Variants in ANKRD26 observed in about 807,000 individuals in gnomAD.
The protein encoded by ANKRD26 is ankyrin repeat domain-containing protein 26.
Under a neutral mutation model 208.7 loss-of-function variants are expected in ANKRD26, and 141 were observed. The observed-to-expected ratio is 0.68, with a 90% CI of 0.59 to 0.78. The LOEUF is 0.78. Among genes scored for constraint, ANKRD26 ranks in the 30% least tolerant of loss-of-function variants. The pLI, the probability that ANKRD26 is intolerant of heterozygous loss-of-function variation, is 0.00. For missense variants in ANKRD26, 1,889 were observed against 1,938.7 expected (o/e 0.97, Z 0.48); for synonymous variants, 636 against 660.4 (o/e 0.96, Z 0.57).
chr10:27,068,197 G>A (rs1349777983), intron 9 of ANKRD26, among the ~76,000 whole-genome samples: 2 of 152,134 alleles, frequency 1.3e-5, no homozygotes, highest in African/African-American at 2.4e-5. Context: ...TGGATCATGC[G>A]GTGGTTTCCC....
At chr10:26,988,560 T>C (rs2052428357), downstream of ANKRD26, among the ~76,000 whole-genome samples, 2 of 152,174 alleles carry the variant, frequency 1.3e-5, no homozygotes, top group Admixed American at 6.5e-5. Context: ...AGTCCACGTA[T>C]ATCATGTAGA....
At chr10:27,039,103 T>G (rs530155220) in intron 21 of ANKRD26, among the ~76,000 whole-genome samples, 99 of 152,330 alleles carry the variant, frequency 6.5e-4, no homozygotes, top group African/African-American at 2.3e-3. Flanking sequence ...GAGAGATCAC[T>G]TTCAGTAATC....
chr10:27,018,606 T>C (rs2053384496), intron 29 of ANKRD26, among the ~76,000 whole-genome samples: 1 of 152,214 alleles, frequency 6.6e-6, no homozygotes, highest in African/African-American at 2.4e-5. Flanking sequence ...AAATGTTTTA[T>C]GCTAATTTGA....
At chr10:27,010,738 G>A (rs2053071339) in intron 32 of ANKRD26, among the ~76,000 whole-genome samples, 1 of 151,988 alleles carries the variant, frequency 6.6e-6, no homozygotes. Flanking sequence ...GAACTCCTGA[G>A]CTCAGGTGAT....
At chr10:26,953,759 G>C in the ANKRD26 span, among the ~76,000 whole-genome samples, 1 of 152,178 alleles carries the variant, frequency 6.6e-6, no homozygotes, top group Non-Finnish European at 1.5e-5. Flanking sequence ...GGGGTTTTTA[G>C]TCTATGACTT....
At chr10:27,082,206 T>C (rs1372656656) in intron 6 of ANKRD26, among the ~76,000 whole-genome samples, 1 of 152,152 alleles carries the variant, frequency 6.6e-6, no homozygotes, top group Non-Finnish European at 1.5e-5. Context: ...AACTGGATGC[T>C]AAATATAATT....
chr10:26,987,640 G>C (rs1398916481), downstream of ANKRD26, among the ~76,000 whole-genome samples: 2 of 152,196 alleles, frequency 1.3e-5, no homozygotes, highest in Non-Finnish European at 2.9e-5. Flanking sequence ...CAGTCATGAG[G>C]GGTTTTGTCA....
At chr10:27,015,096 T>A (rs2053246078) in intron 30 of ANKRD26, among the ~76,000 whole-genome samples, 1 of 152,224 alleles carries the variant, frequency 6.6e-6, no homozygotes. Context: ...TGGAGATATT[T>A]TCGAATGAAA....
At chr10:26,953,841 G>A in the ANKRD26 span, among the ~76,000 whole-genome samples, 2 of 152,134 alleles carry the variant, frequency 1.3e-5, no homozygotes, top group African/African-American at 2.4e-5. Flanking sequence ...TCCATGGCTG[G>A]TGATCACATG....
chr10:27,022,468 A>C (rs1161491157), intron 29 of ANKRD26, 90 bp downstream of exon 29: 1 of 1,106,112 alleles, frequency 9.0e-7, no homozygotes, highest in Non-Finnish European at 1.3e-6. Context: ...TTAAAAAAAA[A>C]AATCTTTATT....
chr10:26,958,184 G>C, the ANKRD26 span, among the ~76,000 whole-genome samples: 1 of 151,988 alleles, frequency 6.6e-6, no homozygotes, highest in Non-Finnish European at 1.5e-5. Flanking sequence ...CTGGGTTCAA[G>C]TGATTCTCCT....
intron 5 of ANKRD26, among the ~76,000 whole-genome samples, chr10:26,979,930 GT>G (rs35002427): frequency 0.64 from 96,733 of 150,376 alleles, 31,210 homozygotes; most frequent in Middle Eastern, 0.68. Flanking sequence ...GCAGTCTTTT[GT>G]TTTTTTTTTC....
At position 27,093,559 on chromosome 10, in the gene ANKRD26, T is replaced by C. The variant is rs1290964968; in HGVS notation, c.358-37A>G. 7 of 1,611,988 alleles carry C rather than the reference T, an allele frequency of 4.3e-6. No homozygotes were observed. The East Asian group carries it at 1.3e-4, about 31-fold the overall frequency. On this transcript the variant is annotated intron_variant, in intron 2 of 33. Coordinates refer to ENST00000376087, the MANE Select transcript of ANKRD26 (RefSeq NM_014915.3). ...AGACCAAGAAACAGATCATAAATTC[T>C]AGGAATGCAAAATAAACACTCCACA...
chr10:26,981,825 C>T (rs1010523813), intron 4 of ANKRD26, among the ~76,000 whole-genome samples: 2 of 152,158 alleles, frequency 1.3e-5, no homozygotes, highest in African/African-American at 4.8e-5. Flanking sequence ...GGCAATTACT[C>T]CCTGAACTAG....
chr10:27,088,588 G>A (rs892895616), intron 4 of ANKRD26, among the ~76,000 whole-genome samples: 1 of 152,154 alleles, frequency 6.6e-6, no homozygotes, highest in East Asian at 1.9e-4. Flanking sequence ...GATGCAAGCA[G>A]CTTGGGAGAT....
chr10:26,996,508 T>TGA (rs1420075093), intron 4 of ANKRD26, among the ~76,000 whole-genome samples: 1 of 152,128 alleles, frequency 6.6e-6, no homozygotes, highest in African/African-American at 2.4e-5. Flanking sequence ...TGCAGCGAGC[T>TGA]GAGATTGCGC....
downstream of ANKRD26, among the ~76,000 whole-genome samples, chr10:26,972,018 A>G (rs7079437): frequency 0.029 from 4,396 of 151,992 alleles, 197 homozygotes; most frequent in African/African-American, 0.097. Flanking sequence ...GGCGGATCAC[A>G]AAGTCAGGAG....
chr10:27,002,517 G>GT (rs1306100530), downstream of ANKRD26, among the ~76,000 whole-genome samples: 1 of 152,194 alleles, frequency 6.6e-6, no homozygotes, highest in Non-Finnish European at 1.5e-5. Flanking sequence ...GTGGGTGTAT[G>GT]TGAGTGGCCC....
intron 9 of ANKRD26, among the ~76,000 whole-genome samples, chr10:27,071,959 C>T (rs1189903676): frequency 6.6e-6 from 1 of 152,176 alleles, no homozygotes; most frequent in African/African-American, 2.4e-5. Flanking sequence ...GGCGTCCTGC[C>T]GGAAGTCAGC....
Sources: allele counts gnomAD v4.1 joint callset (sites outside exome capture counted in the v4.1 genomes callset), GRCh38; gene constraint gnomAD v4.1.1; transcripts MANE v1.5; gene names NCBI Gene and HGNC (gene_info 2026-07-23, HGNC 2026-07-21).